Variants in TGM6 observed in about 807,000 individuals in gnomAD.
TGM6 encodes transglutaminase 6, also known as protein-glutamine gamma-glutamyltransferase 6.
A neutral mutation model predicts 77.5 loss-of-function variants in TGM6; 74 were observed. The ratio of observed to expected loss-of-function variants is 0.96; its 90% CI spans 0.79 to 1.16. The LOEUF is 1.16. Ranked by LOEUF, TGM6 falls within the 50% of genes most tolerant of loss-of-function variation. The pLI is 0.00. For synonymous variants in TGM6, 383 were observed against 378.9 expected (o/e 1.01, Z -0.12); for missense variants, 968 against 940.2 (o/e 1.03, Z -0.39).
chr20:2,400,545 G>A (rs527804655), intron 7 of TGM6, 101 bp downstream of exon 7: 2 of 1,549,608 alleles, frequency 1.3e-6, no homozygotes, highest in African/African-American at 1.4e-5. Flanking sequence ...CAGGCCCAGA[G>A]CCCAGCTCTC....
At chr20:2,406,029 C>A (rs1033008662) in intron 9 of TGM6, among the ~76,000 whole-genome samples, 8 of 152,168 alleles carry the variant, frequency 5.3e-5, no homozygotes, top group African/African-American at 1.9e-4. Flanking sequence ...GCTGAAGATA[C>A]CCCCAAACCT....
At chr20:2,396,192 A>G (rs1406656539) in intron 3 of TGM6, among the ~76,000 whole-genome samples, 3 of 152,004 alleles carry the variant, frequency 2.0e-5, no homozygotes, top group Non-Finnish European at 4.4e-5. Flanking sequence ...AAAAAAAAAA[A>G]AAAGAAAAGA....
chr20:2,427,076 A>AT (rs11482900), intron 10 of TGM6, among the ~76,000 whole-genome samples: 33,816 of 151,530 alleles, frequency 0.22, 3,952 homozygotes, highest in South Asian at 0.3. Context: ...AATTGCTATA[A>AT]TTTTTTTTTC....
chr20:2,432,363 A>G (rs1451797898), intron 12 of TGM6, 127 bp from the exon 13 acceptor site: 15 of 1,220,206 alleles, frequency 1.2e-5, no homozygotes, highest in East Asian at 4.7e-5. Context: ...ACATGTTGAT[A>G]AGGCTTGAAT....
rs1202265564 is a variant in TGM6, at chr20:2,403,454, C to A, written c.1047C>A (p.Tyr349Ter). 1.2e-6 allele frequency: 2 copies of A among 1,614,056 alleles called. No individual in the cohort carries two copies. The highest frequency in any genetic ancestry group is 8.5e-7 in the Non-Finnish European group (1 of 1,180,034). Residue 349 changes from tyrosine to a stop codon, truncating the protein, a stop_gained, in exon 8 of 13, where the codon TAC becomes TAA. Coordinates refer to ENST00000202625, the MANE Select transcript of TGM6 (RefSeq NM_198994.3). LOFTEE classifies it high-confidence loss of function. ...WFARQDLGPS[Y>*]NGWQVLDATP... ...CCCGGCAGGACCTAGGCCCCTCTTA[C>A]AATGGCTGGCAGGTTCTGGATGCCA...
chr20:2,381,243 C>A (rs553500812), intron 1 of TGM6, among the ~76,000 whole-genome samples: 1 of 152,294 alleles, frequency 6.6e-6, no homozygotes, highest in South Asian at 2.1e-4. Flanking sequence ...CCTCGGAGGA[C>A]TGAAGGAGGC....
rs139016558 is a variant in TGM6 at position 2,412,533 on chromosome 20, A to G, written c.1337-4699A>G. Among the ~76,000 whole-genome samples the G allele has an allele frequency of 3.0e-3, 457 of 152,246 alleles. 4 individuals carry two copies. Among genetic ancestry groups the G allele is most frequent in the African/African-American group, 0.01 (425 of 41,534 alleles). ...ATTTTTAAAATAGAAAGAAGACAAAAGAAGAGAGGGAGGAAGACAGGGAGG... is the reference window on the plus strand; with the variant it reads ...ATTTTTAAAATAGAAAGAAGACAAAGGAAGAGAGGGAGGAAGACAGGGAGG... On this transcript the variant is annotated intron_variant, in intron 9 of 12. Coordinates refer to ENST00000202625, the MANE Select transcript of TGM6 (RefSeq NM_198994.3).
At chr20:2,428,996 A>G (rs1599974481) in intron 10 of TGM6, among the ~76,000 whole-genome samples, 1 of 151,520 alleles carries the variant, frequency 6.6e-6, no homozygotes, top group East Asian at 1.9e-4. Flanking sequence ...TAATTTTGTA[A>G]TTTTTTTTAG....
chr20:2,403,271 A>T, intron 7 of TGM6, 126 bp from the exon 8 acceptor site: 1 of 913,966 alleles, frequency 1.1e-6, no homozygotes, highest in African/African-American at 1.6e-5. Flanking sequence ...TGGTTGAATG[A>T]GTGATTCACA....
rs1341768814 is a variant in TGM6, at chr20:2,430,441, T to G, written c.1679-5T>G. ...CCCAACTCCCACTTCTGCTTTCCCT[T>G]CCAGAGAAGAGAATCCCAATTACAA... On this transcript the variant is annotated splice_region_variant and splice_polypyrimidine_tract_variant and intron_variant, in intron 10 of 12. Transcript: ENST00000202625. 1 of 1,614,012 alleles carries G rather than the reference T, an allele frequency of 6.2e-7. No individual in the cohort carries two copies. The highest frequency in any genetic ancestry group is 1.1e-5 in the South Asian group (1 of 91,088).
At chr20:2,388,199 A>C (rs1668438284) in intron 1 of TGM6, among the ~76,000 whole-genome samples, 1 of 152,218 alleles carries the variant, frequency 6.6e-6, no homozygotes, top group African/African-American at 2.4e-5. Context: ...ATATTATTGC[A>C]ACCACCTTTG....
chr20:2,419,940 G>A (rs1364995091), intron 10 of TGM6, among the ~76,000 whole-genome samples: 1 of 152,120 alleles, frequency 6.6e-6, no homozygotes, highest in Non-Finnish European at 1.5e-5. Context: ...TTGTTAGACT[G>A]TATCACAAAA....
intron 10 of TGM6, among the ~76,000 whole-genome samples, chr20:2,420,349 A>G (rs1457607857): frequency 1.3e-5 from 2 of 152,202 alleles, no homozygotes; most frequent in Non-Finnish European, 2.9e-5. Context: ...TTAGGTTTTC[A>G]GAAAACTTTG....
chr20:2,403,707 A>G lies in TGM6; in HGVS notation c.1220A>G (p.Asp407Gly). Residue 407 changes from aspartate (D) to glycine (G), a missense_variant, in exon 9 of 13, where the codon GAT (aspartate) becomes GGT (glycine). Physicochemically the swap from Asp to Gly is moderately conservative, Grantham distance 94 (BLOSUM62 -1). Coordinates refer to ENST00000202625, the MANE Select transcript of TGM6 (RefSeq NM_198994.3). ...ADYITWLWHEDESRERVYSNT... is the reference protein window; with the variant it reads ...ADYITWLWHEGESRERVYSNT... ...TACATCACCTGGCTGTGGCACGAGG[A>G]TGAGAGCCGGGAGCGTGTATACTCA... 1 of 1,614,162 alleles carries G rather than the reference A, an allele frequency of 6.2e-7. No individual in the cohort carries two copies. The highest frequency in any genetic ancestry group is 1.1e-5 in the South Asian group (1 of 91,090).
At chr20:2,421,836 C>CA (rs986420098) in intron 10 of TGM6, among the ~76,000 whole-genome samples, 2 of 151,668 alleles carry the variant, frequency 1.3e-5, no homozygotes, top group African/African-American at 4.8e-5. Context: ...GGTATTGTAT[C>CA]AAAAAAAATT....
intron 10 of TGM6, among the ~76,000 whole-genome samples, chr20:2,421,178 G>T (rs990531285): frequency 6.6e-6 from 1 of 152,104 alleles, no homozygotes; most frequent in Non-Finnish European, 1.5e-5. Context: ...GTAAAGACAG[G>T]GTTTCACCAT....
chr20:2,432,079 C>T (rs1365276507), intron 12 of TGM6, among the ~76,000 whole-genome samples: 1 of 152,136 alleles, frequency 6.6e-6, no homozygotes, highest in African/African-American at 2.4e-5. Context: ...GACAGAGTCT[C>T]ACTCTGTTGC....
In TGM6 at chr20:2,394,475, T is replaced by G. The variant is rs141178275; in HGVS notation, c.31T>G (p.Trp11Gly). The G allele has an allele frequency of 1.3e-4, 216 of 1,611,510 alleles. No homozygotes were observed. The highest frequency in any genetic ancestry group is 2.3e-5 in the Non-Finnish European group (27 of 1,179,860). The stretch of plus-strand genomic sequence containing the variant: ...AGGGATCAGAGTCACCAAGGTGGAC[T>G]GGCAGCGGTCGAGGAATGGCGCTGC... Reference protein sequence around the residue: MAGIRVTKVDWQRSRNGAAHH... With the variant: MAGIRVTKVDGQRSRNGAAHH... Residue 11 changes from tryptophan (W) to glycine (G), a missense_variant, in exon 2 of 13, where the codon TGG becomes GGG. By Grantham distance (184) the Trp-to-Gly change is radical (BLOSUM62 -2). Transcript: ENST00000202625.
chr20:2,425,396 C>T (rs2084881112), intron 10 of TGM6, among the ~76,000 whole-genome samples: 1 of 151,890 alleles, frequency 6.6e-6, no homozygotes, highest in Non-Finnish European at 1.5e-5. Context: ...AACACATGCT[C>T]TTGGAAAAAT....
Sources: gnomAD v4.1 joint callset for allele counts (sites outside exome capture counted in the v4.1 genomes callset) on GRCh38, gnomAD v4.1.1 for gene constraint, MANE v1.5 for transcripts, NCBI Gene and HGNC (gene_info 2026-07-23, HGNC 2026-07-21) for gene names.